The following MEX3B variants were observed in gnomAD, a reference collection of about 807,000 sequenced individuals.
MEX3B encodes the protein mex-3 RNA binding family member B, also known as RNA-binding protein MEX3B.
A neutral mutation model predicts 12.2 loss-of-function variants in MEX3B; 10 were observed. The observed-to-expected ratio is 0.82, with a 90% CI of 0.51 to 1.40. MEX3B has a LOEUF of 1.40. Ranked by LOEUF, MEX3B falls within the 40% of genes most tolerant of loss-of-function variation. MEX3B has a pLI of 0.00. For missense variants in MEX3B, 839 were observed against 801.4 expected (o/e 1.05, Z -0.57); for synonymous variants, 498 against 356.3 (o/e 1.40, Z -4.48).
In MEX3B at chr15:82,044,803, C is replaced by A. The variant is rs1256568347; in HGVS notation, c.257-190G>T. On this transcript the variant is annotated intron_variant, in intron 1 of 1. Transcript: ENST00000329713. The surrounding 1 kb of genome is among the most constrained non-coding windows in gnomAD (Gnocchi z 5.3). Reference sequence around the variant, plus strand: ...CACGGGCTGGGCAGCGGATCCCACCCGCGAGGCGCTCGAGGAACAGCCCAT... The same window carrying A: ...CACGGGCTGGGCAGCGGATCCCACCAGCGAGGCGCTCGAGGAACAGCCCAT... 21 of 632,830 alleles carry A rather than the reference C, an allele frequency of 3.3e-5. No individual in the cohort carries two copies. The Middle Eastern group carries it at 1.2e-3, about 37-fold the overall frequency. The allele number at this position is 632,830 out of a possible 1,614,324, so 39.2% of individuals were successfully genotyped here.
In MEX3B at chr15:82,045,558, C is replaced by A; in HGVS notation, c.148G>T (p.Glu50Ter). 6.2e-7 allele frequency: 1 copy of A among 1,611,634 alleles called. No individual in the cohort carries two copies. Among genetic ancestry groups the A allele is most frequent in the East Asian group, 2.2e-5 (1 of 44,828 alleles). Residue 50 changes from glutamate (E) to a stop codon, truncating the protein, a stop_gained, in exon 1 of 2, where the codon GAG becomes TAG. Transcript: ENST00000329713. LOFTEE classifies it high-confidence loss of function. The stretch of plus-strand genomic sequence containing the variant: ...TCGCTGTCGTACAGAGAGGCGCCCT[C>A]GTCACTGTCCAGCCCCAGCAGGGAG... ...QLSLLGLDSD[E>*]GASLYDSEPR...
At position 82,044,311 on chromosome 15, in the gene MEX3B, G is replaced by A; in HGVS notation, c.559C>T (p.Gln187Ter). ...GPKGATIKRIQQQTHTYIVTP... is the reference protein window; with the variant it reads ...GPKGATIKRI ...ACGATGTACGTGTGCGTCTGCTGCTGGATGCGCTTGATTGTGGCGCCTTTG... is the reference window on the plus strand; with the variant it reads ...ACGATGTACGTGTGCGTCTGCTGCTAGATGCGCTTGATTGTGGCGCCTTTG... Residue 187 changes from glutamine (Q) to a stop codon, truncating the protein, a stop_gained, in exon 2 of 2, where the codon CAG becomes TAG. Coordinates refer to ENST00000329713, the MANE Select transcript of MEX3B (RefSeq NM_032246.6). LOFTEE classifies it low-confidence loss of function (END_TRUNC). The surrounding 1 kb of genome is among the most constrained non-coding windows in gnomAD (Gnocchi z 5.3). The A allele has an allele frequency of 1.2e-6, 2 of 1,613,238 alleles. No individual in the cohort carries two copies. The highest frequency in any genetic ancestry group is 1.1e-5 in the South Asian group (1 of 91,078).
Position 82,044,847 on chromosome 15 carries a change from C to G in MEX3B, c.257-234G>C. On this transcript the variant is annotated intron_variant, in intron 1 of 1. Coordinates refer to ENST00000329713, the MANE Select transcript of MEX3B (RefSeq NM_032246.6). The surrounding 1 kb of genome is among the most constrained non-coding windows in gnomAD (Gnocchi z 5.3). ...AGCCCATTGGCTGCCTGGCCCTCCCCCAGTGACTGCAGTCGTCCCGAACCA... is the reference window on the plus strand; with the variant it reads ...AGCCCATTGGCTGCCTGGCCCTCCCGCAGTGACTGCAGTCGTCCCGAACCA... 3.3e-6 allele frequency: 2 copies of G among 599,116 alleles called. No homozygotes were observed. The highest frequency in any genetic ancestry group is 5.9e-6 in the Non-Finnish European group (2 of 336,916). The allele number at this position is 599,116 out of a possible 1,614,324, so 37.1% of individuals were successfully genotyped here.
In MEX3B at chr15:82,045,760, T is replaced by G. The variant is rs925968101; in HGVS notation, c.-55A>C. 7.6e-7 allele frequency: 1 copy of G among 1,312,872 alleles called. No homozygotes were observed. The allele number at this position is 1,312,872 out of a possible 1,614,324, so 81.3% of individuals were successfully genotyped here. A position where few individuals can be genotyped will look rare whatever the true frequency, so the allele number is the denominator to read the frequency against. On this transcript the variant is annotated 5_prime_UTR_variant, in exon 1 of 2. Coordinates refer to ENST00000329713, the MANE Select transcript of MEX3B (RefSeq NM_032246.6). ...GGCCCTCGGCTCGGCGGCGAGAAGC[T>G]GCGGCCACAAAGGCAGCCGGGAAGC... is the stretch of plus-strand genomic sequence containing the variant.
Position 82,045,807 on chromosome 15 carries a change from C to A in MEX3B, c.-102G>T. On this transcript the variant is annotated 5_prime_UTR_variant, in exon 1 of 2. Transcript: ENST00000329713. ...AAGCGGGTGGTCAGGGGCGGGGAGG[C>A]CGGTCGCCTGCTGAGGGCTCCGTTG... The A allele has an allele frequency of 8.0e-7, 1 of 1,247,118 alleles. No individual in the cohort carries two copies. The highest frequency in any genetic ancestry group is 1.0e-6 in the Non-Finnish European group (1 of 982,442). 77.3% of individuals were successfully genotyped at this position (1,247,118 alleles called of 1,614,324 possible).
At position 82,044,951 on chromosome 15, in the gene MEX3B, G is replaced by A. The variant is rs1168300070; in HGVS notation, c.257-338C>T. On this transcript the variant is annotated intron_variant, in intron 1 of 1. Transcript: ENST00000329713. The surrounding 1 kb of genome is among the most constrained non-coding windows in gnomAD (Gnocchi z 5.3). ...GGCGCGCCGTCAGCTCTGAAGACAC[G>A]GGGAAGGGGCTCGGGGAAGGCAGCT... 4 of 576,314 alleles carry A rather than the reference G, an allele frequency of 6.9e-6. No individual in the cohort carries two copies. The highest frequency in any genetic ancestry group is 1.2e-5 in the Non-Finnish European group (4 of 323,994). 35.7% of individuals were successfully genotyped at this position (576,314 alleles called of 1,614,324 possible).
rs1473096378 is a variant in MEX3B at position 82,043,422 on chromosome 15, G to A, written c.1448C>T (p.Pro483Leu). ...AYANGLGAQL[P>L]GLQPSDTSGS... ...CGACGTGTCCGACGGCTGCAAGCCAGGCAGCTGTGCCCCCAGCCCGTTGGC... is the reference window on the plus strand; with the variant it reads ...CGACGTGTCCGACGGCTGCAAGCCAAGCAGCTGTGCCCCCAGCCCGTTGGC... The change falls in exon 2 of 2, where the codon CCT becomes CTT. Residue 483 changes from proline to leucine, a missense_variant. Transcript: ENST00000329713. 13 of 1,572,018 alleles carry A rather than the reference G, an allele frequency of 8.3e-6. No individual in the cohort carries two copies. Among genetic ancestry groups the A allele is most frequent in the South Asian group, 3.5e-5 (3 of 86,014 alleles).
chr15:82,042,624 G>A lies in MEX3B; in HGVS notation c.*536C>T, dbSNP rs1484608949. On this transcript the variant is annotated 3_prime_UTR_variant, in exon 2 of 2. Coordinates refer to ENST00000329713, the MANE Select transcript of MEX3B (RefSeq NM_032246.6). ...AAAGCTGCAGTATCCTGGTTTCACA[G>A]GAACTCCTGGCCCTTCCACGAACAT... The A allele has an allele frequency of 6.6e-6, 1 of 152,636 alleles. No homozygotes were observed. Among genetic ancestry groups the A allele is most frequent in the Non-Finnish European group, 1.5e-5 (1 of 68,056 alleles). 9.5% of individuals were successfully genotyped at this position (152,636 alleles called of 1,614,324 possible).
At position 82,043,256 on chromosome 15, in the gene MEX3B, G is replaced by C. The variant is rs1042329292; in HGVS notation, c.1614C>G (p.Phe538Leu). 11 of 1,610,574 alleles carry C rather than the reference G, an allele frequency of 6.8e-6. No individual in the cohort carries two copies. The highest frequency in any genetic ancestry group is 9.3e-6 in the Non-Finnish European group (11 of 1,178,148). ...AALVPCGHNL[F>L]CMECANRICE... ...AGATGCGATTGGCGCACTCCATGCA[G>C]AAGAGGTTGTGGCCACAGGGCACCA... Residue 538 changes from phenylalanine to leucine, a missense_variant, in exon 2 of 2, where the codon TTC becomes TTG. Phe to Leu is a conservative substitution (Grantham distance 22). Coordinates refer to ENST00000329713, the MANE Select transcript of MEX3B (RefSeq NM_032246.6).
Position 82,043,517 on chromosome 15 carries a change from C to T in MEX3B, c.1353G>A (p.Ala451=), listed in dbSNP as rs575112276. The change falls in exon 2 of 2, where the codon GCG becomes GCA. Residue 451 remains alanine (A), a synonymous_variant. Transcript: ENST00000329713. ...LSPPLHMAPG[A]GEHHLARRVR... is the part of the protein sequence containing the mutation. ...CCCGGCGAGCCAGGTGGTGCTCTCC[C>T]GCCCCCGGGGCCATGTGCAAGGGTG... 120 of 1,515,182 alleles carry T rather than the reference C, an allele frequency of 7.9e-5. 2 individuals are homozygous for T. The South Asian group carries it at 9.2e-4, about 12-fold the overall frequency. 93.9% of individuals were successfully genotyped at this position (1,515,182 alleles called of 1,614,324 possible).
At chr15:82,045,045 T>C in intron 1 of MEX3B, 1 of 590,670 alleles carries the variant, frequency 1.7e-6, no homozygotes, top group South Asian at 2.0e-5. Context: ...GGACCCATTG[T>C]TCCTCCTCTG....
chr15:82,045,410 A>ACACCACCCCCCCCCCCCCCCCCCACC, intron 1 of MEX3B, 40 bp downstream of exon 1: 1 of 1,577,544 alleles, frequency 6.3e-7, no homozygotes, highest in Non-Finnish European at 8.6e-7. Context: ...CTGAGACCCT[A>ACACCACCCCCCCCCCCCCCCCCCACC]CACCACCCCC....
chr15:82,043,777 G>C lies in MEX3B; in HGVS notation c.1093C>G (p.Pro365Ala). 1 of 1,575,718 alleles carries C rather than the reference G, an allele frequency of 6.3e-7. No individual in the cohort carries two copies. Among genetic ancestry groups the C allele is most frequent in the Non-Finnish European group, 8.6e-7 (1 of 1,161,938 alleles). The change falls in exon 2 of 2, where the codon CCG (proline) becomes GCG (alanine). Residue 365 changes from proline to alanine, a missense_variant. By Grantham distance (27) the Pro-to-Ala change is conservative (BLOSUM62 -1). This residue lies in a region of MEX3B where 573 missense variants were observed against 488.9 expected (regional missense o/e 1.17). Transcript: ENST00000329713. ...GCCCCAGGTGGGGGAGCGGGAGCCG[G>C]GTCAAAAGTGGGCTGCAGCTCGGGG... ...GCPELQPTFD[P>A]APAPPPGAPL...
Position 82,044,702 on chromosome 15 carries a change from G to T in MEX3B, c.257-89C>A. 1 of 1,320,732 alleles carries T rather than the reference G, an allele frequency of 7.6e-7. No homozygotes were observed. The highest frequency in any genetic ancestry group is 1.1e-6 in the Non-Finnish European group (1 of 927,028). The allele number at this position is 1,320,732 out of a possible 1,614,324, so 81.8% of individuals were successfully genotyped here. ...TAACCGCGGGGACCGGGGACAGCCC[G>T]CGTCCAGGACAGCGAGACGGCAGGA... On this transcript the variant is annotated intron_variant, in intron 1 of 1. Transcript: ENST00000329713. This position sits in a 1 kb window ranked among gnomAD's most constrained non-coding sequence, Gnocchi z 5.3.
At position 82,046,003 on chromosome 15, in the gene MEX3B, A is replaced by C; in HGVS notation, c.-298T>G. On this transcript the variant is annotated 5_prime_UTR_variant, in exon 1 of 2. Coordinates refer to ENST00000329713, the MANE Select transcript of MEX3B (RefSeq NM_032246.6). ...CCGAGTGCCCGGCTGGCTGGCCGCAATGCCGAGCGAAAAGCGAGCAGGCGA... is the reference window on the plus strand; with the variant it reads ...CCGAGTGCCCGGCTGGCTGGCCGCACTGCCGAGCGAAAAGCGAGCAGGCGA... 1 of 342,224 alleles carries C rather than the reference A, an allele frequency of 2.9e-6. No homozygotes were observed. Among genetic ancestry groups the C allele is most frequent in the Non-Finnish European group, 5.2e-6 (1 of 190,872 alleles). 21.2% of individuals were successfully genotyped at this position (342,224 alleles called of 1,614,324 possible).
Position 82,043,803 on chromosome 15 carries a change from C to A in MEX3B, c.1067G>T (p.Cys356Phe), listed in dbSNP as rs769841602. 4 of 1,585,182 alleles carry A rather than the reference C, an allele frequency of 2.5e-6. No homozygotes were observed. The South Asian group carries it at 4.7e-5, about 18-fold the overall frequency. Residue 356 changes from cysteine (C) to phenylalanine (F), a missense_variant, in exon 2 of 2, where the codon TGC (cysteine) becomes TTC (phenylalanine). This residue lies in a region of MEX3B where 573 missense variants were observed against 488.9 expected (regional missense o/e 1.17). Coordinates refer to ENST00000329713, the MANE Select transcript of MEX3B (RefSeq NM_032246.6). ...GEASVPSPDGCPELQPTFDPA... is the reference protein window; with the variant it reads ...GEASVPSPDGFPELQPTFDPA... ...GTCAAAAGTGGGCTGCAGCTCGGGG[C>A]AGCCGTCGGGGGATGGCACTGAGGC...
rs955786376 is a variant in MEX3B at position 82,044,436 on chromosome 15, G to A, written c.434C>T (p.Thr145Met). 6.2e-7 allele frequency: 1 copy of A among 1,612,906 alleles called. No homozygotes were observed. The highest frequency in any genetic ancestry group is 1.3e-5 in the African/African-American group (1 of 75,056). The change falls in exon 2 of 2, where the codon ACG (threonine) becomes ATG (methionine). Residue 145 changes from threonine to methionine, a missense_variant. Thr to Met is a moderately conservative substitution (Grantham distance 81). Around this residue, in one of 3 missense-constraint regions of MEX3B, gnomAD observed 214 missense variants for 223.8 expected, o/e 0.96. Coordinates refer to ENST00000329713, the MANE Select transcript of MEX3B (RefSeq NM_032246.6). This position sits in a 1 kb window ranked among gnomAD's most constrained non-coding sequence, Gnocchi z 5.3. ...SMIRASRNKNTALNGAVPGPP... is the reference protein window; with the variant it reads ...SMIRASRNKNMALNGAVPGPP... ...CCCAGGCACCGCGCCGTTGAGTGCC[G>A]TGTTCTTATTCCGGGAGGCGCGGAT...
Position 82,043,924 on chromosome 15 carries a change from C to T in MEX3B, c.946G>A (p.Ala316Thr). ...SSSAAATQRL[A>T]DYSPPSPALS... ...GCGGGGCTAGGGGGGCTGTAGTCCG[C>T]CAGGCGCTGGGTAGCCGCTGCGCTG... Residue 316 changes from alanine (A) to threonine (T), a missense_variant, in exon 2 of 2, where the codon GCG becomes ACG. Ala to Thr is a moderately conservative substitution (Grantham distance 58). Transcript: ENST00000329713. 6.2e-7 allele frequency: 1 copy of T among 1,601,330 alleles called. No individual in the cohort carries two copies. The highest frequency in any genetic ancestry group is 1.1e-5 in the South Asian group (1 of 89,772).
Position 82,044,120 on chromosome 15 carries a change from G to T in MEX3B, c.750C>A (p.Phe250Leu). ...DFHANGTDVG[F>L]DLHHGSGGSG... is the part of the protein sequence containing the mutation. The stretch of plus-strand genomic sequence containing the variant: ...ACCCGCCGGACCCATGATGCAGATC[G>T]AAGCCCACATCGGTGCCGTTGGCGT... Residue 250 changes from phenylalanine (F) to leucine (L), a missense_variant, in exon 2 of 2, where the codon TTC (phenylalanine) becomes TTA (leucine). Phe to Leu is a conservative substitution (Grantham distance 22). Around this residue, in one of 3 missense-constraint regions of MEX3B, gnomAD observed 573 missense variants for 488.9 expected, o/e 1.17. Coordinates refer to ENST00000329713, the MANE Select transcript of MEX3B (RefSeq NM_032246.6). The surrounding 1 kb of genome is among the most constrained non-coding windows in gnomAD (Gnocchi z 5.3). 1 of 1,613,422 alleles carries T rather than the reference G, an allele frequency of 6.2e-7. No homozygotes were observed. The highest frequency in any genetic ancestry group is 8.5e-7 in the Non-Finnish European group (1 of 1,180,010).
Sources: gnomAD v4.1 joint callset for allele counts on GRCh38, gnomAD v4.1.1 for gene constraint, gnomAD v4.1.1 regional missense constraint, Gnocchi (gnomAD v3.1) non-coding constraint, MANE v1.5 for transcripts, NCBI Gene and HGNC (gene_info 2026-07-23, HGNC 2026-07-21) for gene names.